The following SGSM1 variants were observed in gnomAD, a reference collection of about 807,000 sequenced individuals.
SGSM1 encodes the protein RUN and TBC1 domain containing 2.
SGSM1 carries 73 observed loss-of-function variants against 133.8 expected under a neutral mutation model. The observed-to-expected ratio is 0.55, with a 90% CI of 0.45 to 0.66. The LOEUF (loss-of-function observed/expected upper bound fraction) is 0.66, where lower values mean the gene tolerates loss of function less well. Ranked by LOEUF, SGSM1 falls within the 30% of genes least tolerant of loss-of-function variation. SGSM1 has a pLI of 0.00. For synonymous variants in SGSM1, 563 were observed against 573.0 expected, an observed-to-expected ratio of 0.98 and a Z score of 0.25; for missense variants, 1,213 against 1,448.1, an observed-to-expected ratio of 0.84 and a Z score of 2.64.
chr22:24,830,201 T>C (rs1929032183), intron 2 of SGSM1, among the ~76,000 whole-genome samples: 1 of 152,214 alleles, frequency 6.6e-6, no homozygotes, highest in Non-Finnish European at 1.5e-5. Flanking sequence ...GGGAAGATAC[T>C]CTAGCCTGTA....
chr22:24,884,222 T>G lies in SGSM1; in HGVS notation c.1641+24T>G, dbSNP rs73879156. On this transcript the variant is annotated intron_variant, in intron 15 of 24. Transcript: ENST00000400358. ...CAGTAAGGCTTAGCTGGGCTTGGTC[T>G]GCAGTGATGCAGAGGCTGCAGGGGG... The G allele has an allele frequency of 4.5e-3, 7,246 of 1,598,494 alleles. 310 individuals are homozygous for G. In the African/African-American group the frequency reaches 0.086, roughly 19 times the overall value.
intron 2 of SGSM1, among the ~76,000 whole-genome samples, chr22:24,822,036 G>A (rs995114898): frequency 6.6e-6 from 1 of 151,378 alleles, no homozygotes; most frequent in Admixed American, 6.6e-5. Flanking sequence ...ATCATGAGGA[G>A]AGTGTTTCCA....
In SGSM1 at chr22:24,924,298, C is replaced by T. The variant is rs778124564; in HGVS notation, c.*24C>T. On this transcript the variant is annotated 3_prime_UTR_variant, in exon 25 of 25. Transcript: ENST00000400358. ...GAGGGGCACCTCACCCCGGCAGCCT[C>T]AGCCAAGCTGCCCCTGCCCCGCTCC... The T allele has an allele frequency of 1.2e-6, 2 of 1,601,456 alleles. No individual in the cohort carries two copies. Among genetic ancestry groups the T allele is most frequent in the South Asian group, 1.1e-5 (1 of 90,778 alleles).
intron 17 of SGSM1, among the ~76,000 whole-genome samples, 171 bp downstream of exon 17, chr22:24,893,784 A>G (rs1303052247): frequency 6.6e-6 from 1 of 151,516 alleles, no homozygotes; most frequent in Non-Finnish European, 1.5e-5. Context: ...CTGAATTCAA[A>G]CTCTAGTCCC....
intron 2 of SGSM1, among the ~76,000 whole-genome samples, chr22:24,816,095 G>A (rs1383306064): frequency 6.6e-6 from 1 of 152,094 alleles, no homozygotes; most frequent in Admixed American, 6.5e-5. Context: ...ATGCTTACTT[G>A]GTAAATTAGA....
At chr22:24,841,130 G>T (rs574993416) in intron 2 of SGSM1, among the ~76,000 whole-genome samples, 2 of 152,204 alleles carry the variant, frequency 1.3e-5, no homozygotes, top group Non-Finnish European at 2.9e-5. Flanking sequence ...GATTACAGGC[G>T]TGAGCCACCG....
chr22:24,913,604 T>G (rs1933713905), intron 22 of SGSM1, among the ~76,000 whole-genome samples: 1 of 152,234 alleles, frequency 6.6e-6, no homozygotes, highest in African/African-American at 2.4e-5. Flanking sequence ...GGGGCTACAG[T>G]TAGCTCTGAC....
At chr22:24,906,780 A>G (rs193166831) in intron 21 of SGSM1, among the ~76,000 whole-genome samples, 73 of 152,000 alleles carry the variant, frequency 4.8e-4, no homozygotes, top group Admixed American at 4.6e-3. Context: ...TAAAAATAAA[A>G]CATAAAAAAA....
Position 24,886,644 on chromosome 22 carries a change from C to T in SGSM1, c.1686C>T (p.Gly562=), listed in dbSNP as rs895774730. ...TGCTGCGCCTCATCTACTACGGGGG[C>T]ATCCAGCCTGAGATCCGCAAGGCCG... ...QELLRLIYYG[G]IQPEIRKAVW... Residue 562 remains glycine (G), a synonymous_variant, in exon 16 of 25, where the codon GGC becomes GGT. Transcript: ENST00000400358. The T allele has an allele frequency of 1.3e-6, 2 of 1,556,952 alleles. No individual in the cohort carries two copies. Among genetic ancestry groups the T allele is most frequent in the African/African-American group, 2.7e-5 (2 of 73,308 alleles).
At chr22:24,858,431 A>G (rs1930931195) in intron 8 of SGSM1, among the ~76,000 whole-genome samples, 1 of 152,144 alleles carries the variant, frequency 6.6e-6, no homozygotes, top group African/African-American at 2.4e-5. Context: ...CCTGGCCAAC[A>G]TGGCGAAACC....
At chr22:24,913,477 G>A (rs1015999646) in intron 22 of SGSM1, among the ~76,000 whole-genome samples, 5 of 152,066 alleles carry the variant, frequency 3.3e-5, no homozygotes, top group African/African-American at 9.7e-5. Flanking sequence ...CATTCATAGC[G>A]ATTGGTATAT....
At chr22:24,911,114 T>A (rs1933599633) in intron 21 of SGSM1, among the ~76,000 whole-genome samples, 1 of 151,074 alleles carries the variant, frequency 6.6e-6, no homozygotes, top group Non-Finnish European at 1.5e-5. Context: ...CAGACACCTG[T>A]GGTCCCAGCT....
intron 23 of SGSM1, 52 bp from the exon 24 acceptor site, chr22:24,919,774 A>G (rs1933941676): frequency 2.5e-6 from 4 of 1,604,764 alleles, no homozygotes; most frequent in Non-Finnish European, 3.4e-6. Context: ...GCAGGGCAAC[A>G]CTGTGAGCCC....
intron 2 of SGSM1, chr22:24,844,685 A>G (rs1425386932): frequency 1.8e-6 from 1 of 556,880 alleles, no homozygotes; most frequent in South Asian, 2.3e-5. Context: ...AAGAACCTGA[A>G]CGAATAATTG....
chr22:24,809,276 ATCTCCCTCCTCCCCAC>A (rs1927597175), intron 2 of SGSM1, among the ~76,000 whole-genome samples: 1 of 151,722 alleles, frequency 6.6e-6, no homozygotes, highest in Non-Finnish European at 1.5e-5. Flanking sequence ...GTCAAATCAG[ATCTCCCTCCTCCCCAC>A]TCTCTGGGTT....
At chr22:24,893,316 G>A in intron 16 of SGSM1, 115 bp from the exon 17 acceptor site, 1 of 1,099,138 alleles carries the variant, frequency 9.1e-7, no homozygotes, top group Non-Finnish European at 1.3e-6. Flanking sequence ...ATATCTGCTG[G>A]ATGTTAACTG....
Position 24,806,429 on chromosome 22 carries a change from C to G in SGSM1, c.20-12C>G, listed in dbSNP as rs1352370783. The stretch of plus-strand genomic sequence containing the variant: ...CTCGGCTGACCCGCGGCTCTCGTTT[C>G]TTGTCCCACAGAGGCGGAGACCCGA... On this transcript the variant is annotated splice_polypyrimidine_tract_variant and intron_variant, in intron 1 of 24. Coordinates refer to ENST00000400358, the MANE Select transcript of SGSM1 (RefSeq NM_001098497.3). 1 of 1,523,642 alleles carries G rather than the reference C, an allele frequency of 6.6e-7. No individual in the cohort carries two copies. Among genetic ancestry groups the G allele is most frequent in the Non-Finnish European group, 8.8e-7 (1 of 1,135,318 alleles). 94.4% of individuals were successfully genotyped at this position (1,523,642 alleles called of 1,614,324 possible).
At chr22:24,877,045 A>T (rs1019901537) in intron 13 of SGSM1, among the ~76,000 whole-genome samples, 5 of 152,164 alleles carry the variant, frequency 3.3e-5, no homozygotes, top group African/African-American at 1.2e-4. Context: ...TGGAGCAGCT[A>T]CCATCTTGAA....
intron 2 of SGSM1, among the ~76,000 whole-genome samples, chr22:24,819,549 T>A (rs1928345404): frequency 2.0e-5 from 3 of 152,220 alleles, no homozygotes; most frequent in Admixed American, 6.5e-5. Flanking sequence ...GAGCTGGAGA[T>A]TGACCTGTTG....
Sources: allele counts gnomAD v4.1 joint callset (sites outside exome capture counted in the v4.1 genomes callset), GRCh38; gene constraint gnomAD v4.1.1; transcripts MANE v1.5; gene names NCBI Gene and HGNC (gene_info 2026-07-23, HGNC 2026-07-21).